Variants in CLSTN2 observed in about 807,000 individuals in gnomAD.
CLSTN2 encodes the protein calsyntenin 2.
A neutral mutation model predicts 101.2 loss-of-function variants in CLSTN2; 48 were observed. That is an observed-to-expected ratio of 0.47 (90% CI 0.38 to 0.60). CLSTN2 has a LOEUF of 0.60. Ranked by LOEUF, CLSTN2 falls within the 20% of genes least tolerant of loss-of-function variation. The pLI is 0.00. For synonymous variants in CLSTN2, 481 were observed against 463.6 expected (o/e 1.04, Z -0.48); for missense variants, 1,160 against 1,238.2 (o/e 0.94, Z 0.95).
intron 1 of CLSTN2, among the ~76,000 whole-genome samples, chr3:140,091,896 C>T (rs745999773): frequency 3.9e-5 from 6 of 152,150 alleles, no homozygotes; most frequent in African/African-American, 9.7e-5. Flanking sequence ...CTCCATTCTT[C>T]GTGGTATTCC....
intron 2 of CLSTN2, among the ~76,000 whole-genome samples, chr3:140,233,976 G>A (rs1471235027): frequency 6.6e-6 from 1 of 152,186 alleles, no homozygotes; most frequent in African/African-American, 2.4e-5. Context: ...GCAGAGTTAA[G>A]TAGTCATGAC....
At chr3:139,946,358 C>A (rs1323663145) in intron 1 of CLSTN2, among the ~76,000 whole-genome samples, 1 of 152,164 alleles carries the variant, frequency 6.6e-6, no homozygotes, top group Non-Finnish European at 1.5e-5. Flanking sequence ...AAAGGTACCC[C>A]AGCAACTCTG....
intron 2 of CLSTN2, among the ~76,000 whole-genome samples, chr3:140,240,094 C>T (rs2086447274): frequency 6.9e-6 from 1 of 145,008 alleles, no homozygotes; most frequent in African/African-American, 2.5e-5. Flanking sequence ...AACCTCCAGC[C>T]TAGCTCTGGC....
chr3:139,954,970 G>A (rs1935362473), intron 1 of CLSTN2, among the ~76,000 whole-genome samples: 2 of 151,678 alleles, frequency 1.3e-5, no homozygotes, highest in African/African-American at 2.4e-5. Flanking sequence ...ATGGGATTTA[G>A]TATCTTTTAC....
At chr3:140,402,250 A>G (rs767418139) in intron 2 of CLSTN2, among the ~76,000 whole-genome samples, 18 of 152,126 alleles carry the variant, frequency 1.2e-4, no homozygotes, top group Non-Finnish European at 2.4e-4. Context: ...TCTCCAGGCA[A>G]TCCATGGAGT....
chr3:140,073,803 C>T (rs752141374), intron 1 of CLSTN2, among the ~76,000 whole-genome samples: 4 of 152,190 alleles, frequency 2.6e-5, no homozygotes, highest in Non-Finnish European at 5.9e-5. Context: ...TATTTACAGC[C>T]AAAAGAAAGT....
intron 1 of CLSTN2, among the ~76,000 whole-genome samples, chr3:140,022,214 C>T (rs1262857120): frequency 1.3e-5 from 2 of 152,208 alleles, no homozygotes; most frequent in Admixed American, 6.5e-5. Context: ...TGCATGGTCC[C>T]TCCCTTTCCT....
chr3:140,564,134 A>G lies in CLSTN2; in HGVS notation c.2656A>G (p.Asn886Asp). The G allele has an allele frequency of 6.2e-7, 1 of 1,614,016 alleles. No individual in the cohort carries two copies. Among genetic ancestry groups the G allele is most frequent in the Non-Finnish European group, 8.5e-7 (1 of 1,179,966 alleles). The change falls in exon 16 of 17, where the codon AAC (asparagine) becomes GAC (aspartate). Residue 886 changes from asparagine to aspartate, a missense_variant. By Grantham distance (23) the Asn-to-Asp change is conservative. Coordinates refer to ENST00000458420, the MANE Select transcript of CLSTN2 (RefSeq NM_022131.3). ...WDDSALTITV[N>D]PMEKHEGPGH... ...CGATTCTGCGCTGACTATCACAGTC[A>G]ACCCCATGGAGGTGATCCTCATGCA...
chr3:140,110,613 T>G (rs1007654680), intron 1 of CLSTN2, among the ~76,000 whole-genome samples: 1 of 152,248 alleles, frequency 6.6e-6, no homozygotes, highest in African/African-American at 2.4e-5. Flanking sequence ...AGGATAGATA[T>G]ATTGCTGCAA....
intron 8 of CLSTN2, among the ~76,000 whole-genome samples, chr3:140,523,012 G>A (rs950299734): frequency 2.6e-5 from 4 of 152,210 alleles, no homozygotes; most frequent in African/African-American, 9.7e-5. Flanking sequence ...TCTGTATTGA[G>A]AGGTTTTGAG....
At chr3:140,209,492 C>T (rs1343721801) in intron 2 of CLSTN2, among the ~76,000 whole-genome samples, 1 of 152,172 alleles carries the variant, frequency 6.6e-6, no homozygotes, top group Non-Finnish European at 1.5e-5. Context: ...AGTAGGTTAA[C>T]TGCTGGGGAC....
intron 4 of CLSTN2, among the ~76,000 whole-genome samples, chr3:140,409,488 A>C (rs2088339143): frequency 6.6e-6 from 1 of 152,220 alleles, no homozygotes; most frequent in African/African-American, 2.4e-5. Flanking sequence ...CTAGGCACTA[A>C]GCATAGTGCC....
intron 2 of CLSTN2, among the ~76,000 whole-genome samples, chr3:140,181,482 A>G (rs554723906): frequency 5.3e-5 from 8 of 152,240 alleles, no homozygotes; most frequent in African/African-American, 1.9e-4. Flanking sequence ...TTGATCACCC[A>G]TTTGTACTGT....
chr3:140,091,630 C>T (rs2008781827), intron 1 of CLSTN2, among the ~76,000 whole-genome samples: 1 of 152,178 alleles, frequency 6.6e-6, no homozygotes. Context: ...AACATTTCCT[C>T]ACTTTGATAT....
intron 1 of CLSTN2, among the ~76,000 whole-genome samples, chr3:140,018,235 T>C (rs2007240417): frequency 6.6e-6 from 1 of 152,250 alleles, no homozygotes; most frequent in Non-Finnish European, 1.5e-5. Flanking sequence ...TACGCTTCTA[T>C]TCATATTTAC....
chr3:140,495,086 T>A (rs2107759395), intron 8 of CLSTN2, among the ~76,000 whole-genome samples: 1 of 152,334 alleles, frequency 6.6e-6, no homozygotes, highest in Admixed American at 6.5e-5. Context: ...ACCAACTGTA[T>A]AAAAGTGCTT....
intron 6 of CLSTN2, among the ~76,000 whole-genome samples, chr3:140,452,847 G>A (rs1051259928): frequency 1.3e-5 from 2 of 152,190 alleles, no homozygotes; most frequent in Admixed American, 6.5e-5. Context: ...AACTCAAGTG[G>A]CCCCCACCTT....
chr3:140,337,159 T>C (rs2087451219), intron 2 of CLSTN2, among the ~76,000 whole-genome samples: 1 of 152,192 alleles, frequency 6.6e-6, no homozygotes, highest in Admixed American at 6.5e-5. Context: ...CATTCTAGGT[T>C]GTTGTATATA....
At chr3:140,437,793 TC>T (rs1408756985) in intron 5 of CLSTN2, among the ~76,000 whole-genome samples, 3 of 152,274 alleles carry the variant, frequency 2.0e-5, no homozygotes, top group Admixed American at 6.5e-5. Context: ...TAATTTTTTA[TC>T]CTCATATGAA....
Sources: gnomAD v4.1 joint callset for allele counts (sites outside exome capture counted in the v4.1 genomes callset) on GRCh38, gnomAD v4.1.1 for gene constraint, MANE v1.5 for transcripts, NCBI Gene and HGNC (gene_info 2026-07-23, HGNC 2026-07-21) for gene names.